Variants in RSU1 observed in about 807,000 individuals in gnomAD.
RSU1 encodes the protein rsu-1.
A neutral mutation model predicts 31.1 loss-of-function variants in RSU1; 26 were observed. That is an observed-to-expected ratio of 0.84 (90% CI 0.61 to 1.16). The LOEUF is 1.16. Among genes scored for constraint, RSU1 ranks in the 50% most tolerant of loss-of-function variants. The pLI, the probability that RSU1 is intolerant of heterozygous loss-of-function variation, is 0.00. For synonymous variants in RSU1, 164 were observed against 136.3 expected, an observed-to-expected ratio of 1.20 and a Z score of -1.41; for missense variants, 320 against 339.1, an observed-to-expected ratio of 0.94 and a Z score of 0.44.
At position 16,666,855 on chromosome 10, in the gene RSU1, G is replaced by A. The variant is rs190917100; in HGVS notation, c.731+28168C>T. On this transcript the variant is annotated intron_variant, in intron 8 of 8. Coordinates refer to ENST00000345264, the MANE Select transcript of RSU1 (RefSeq NM_012425.4). ...AATACAAAAATTATCCAGGCATGGT[G>A]ACGCATGCCTGTAATCCCAGCTACT... Among the ~76,000 whole-genome samples, 373 of 152,212 alleles carry A rather than the reference G, an allele frequency of 2.5e-3. 2 individuals are homozygous for A. The highest frequency in any genetic ancestry group is 8.6e-3 in the African/African-American group (357 of 41,534).
At chr10:16,695,272 G>C in intron 7 of RSU1, 117 bp from the exon 8 acceptor site, 3 of 938,948 alleles carry the variant, frequency 3.2e-6, no homozygotes, top group South Asian at 4.2e-5. Flanking sequence ...GTGCCTCTTG[G>C]ATCATTTGAT....
intron 8 of RSU1, among the ~76,000 whole-genome samples, chr10:16,692,641 A>T (rs192170327): frequency 6.6e-6 from 1 of 152,272 alleles, no homozygotes; most frequent in Admixed American, 6.5e-5. Context: ...ATTTACAAAG[A>T]AGAAGATAAA....
At chr10:16,769,189 ATTCTG>A (rs1340518512) in intron 3 of RSU1, among the ~76,000 whole-genome samples, 1 of 152,228 alleles carries the variant, frequency 6.6e-6, no homozygotes, top group Non-Finnish European at 1.5e-5. Context: ...AGTAAGGAAG[ATTCTG>A]TTCTATGATC....
intron 4 of RSU1, among the ~76,000 whole-genome samples, chr10:16,760,528 AAAAAG>A (rs1837190224): frequency 6.6e-6 from 1 of 151,822 alleles, no homozygotes. Flanking sequence ...AAAAAAAAAA[AAAAAG>A]AAAAGTGTAC....
At chr10:16,751,798 C>G (rs1361021283) in intron 7 of RSU1, among the ~76,000 whole-genome samples, 1 of 152,098 alleles carries the variant, frequency 6.6e-6, no homozygotes, top group Non-Finnish European at 1.5e-5. Context: ...GTTCAAAGGA[C>G]TGAAGAAATG....
chr10:16,591,912 CAG>C lies in RSU1; in HGVS notation c.*1480_*1481del, dbSNP rs1455594652. 2.0e-5 allele frequency: 3 copies of C among 152,182 alleles called. No homozygotes were observed. Among genetic ancestry groups the C allele is most frequent in the Non-Finnish European group, 2.9e-5 (2 of 68,034 alleles). 9.4% of individuals were successfully genotyped at this position (152,182 alleles called of 1,614,324 possible). ...AAATGATATCAACTCTATCCCTAAA[CAG>C]GGGATGGGACCTGGGGAAGCCACTT... is the stretch of plus-strand genomic sequence containing the variant. On this transcript the variant is annotated 3_prime_UTR_variant, in exon 9 of 9. Coordinates refer to ENST00000345264, the MANE Select transcript of RSU1 (RefSeq NM_012425.4).
intron 8 of RSU1, among the ~76,000 whole-genome samples, chr10:16,650,335 G>C (rs1834659154): frequency 6.6e-6 from 1 of 152,100 alleles, no homozygotes. Flanking sequence ...GCATAGTTAA[G>C]CACACTTCCA....
chr10:16,601,535 C>T (rs1833714294), intron 8 of RSU1, among the ~76,000 whole-genome samples: 1 of 152,156 alleles, frequency 6.6e-6, no homozygotes, highest in East Asian at 1.9e-4. Flanking sequence ...GTCACATGGC[C>T]ATTCAAATAT....
At chr10:16,745,358 G>C (rs575644253) in intron 7 of RSU1, among the ~76,000 whole-genome samples, 1 of 152,230 alleles carries the variant, frequency 6.6e-6, no homozygotes, top group Admixed American at 6.5e-5. Flanking sequence ...GTGTAGAAGG[G>C]AGGTAAAATA....
At chr10:16,703,109 C>T (rs1287064406) in intron 7 of RSU1, among the ~76,000 whole-genome samples, 1 of 152,188 alleles carries the variant, frequency 6.6e-6, no homozygotes, top group Non-Finnish European at 1.5e-5. Flanking sequence ...ATCTCACTCC[C>T]CCTTTGCCTT....
At chr10:16,748,818 G>A (rs529722956) in intron 7 of RSU1, among the ~76,000 whole-genome samples, 1 of 149,692 alleles carries the variant, frequency 6.7e-6, no homozygotes, top group Admixed American at 6.6e-5. Flanking sequence ...ATGAGTGAGG[G>A]TTTCTCTGAT....
At chr10:16,650,404 G>A (rs1834660688) in intron 8 of RSU1, among the ~76,000 whole-genome samples, 1 of 152,022 alleles carries the variant, frequency 6.6e-6, no homozygotes, top group East Asian at 1.9e-4. Context: ...TATCAAACCT[G>A]CCACACAGTA....
chr10:16,743,511 T>C (rs1412687140), intron 7 of RSU1, among the ~76,000 whole-genome samples: 2 of 152,252 alleles, frequency 1.3e-5, no homozygotes, highest in East Asian at 1.9e-4. Flanking sequence ...TGTAATTATA[T>C]CTAGCTTAAA....
chr10:16,782,992 C>G (rs565827212), intron 2 of RSU1, among the ~76,000 whole-genome samples: 2 of 151,572 alleles, frequency 1.3e-5, no homozygotes, highest in East Asian at 3.9e-4. Flanking sequence ...CTCACTGTAA[C>G]CTCCGCCTCC....
At chr10:16,775,055 TAAAAA>T in intron 3 of RSU1, among the ~76,000 whole-genome samples, 1 of 151,816 alleles carries the variant, frequency 6.6e-6, no homozygotes, top group African/African-American at 2.4e-5. Flanking sequence ...AATAAAAACA[TAAAAA>T]AAGAGAAGAG....
At chr10:16,770,020 A>G (rs1340251364) in intron 3 of RSU1, among the ~76,000 whole-genome samples, 1 of 152,192 alleles carries the variant, frequency 6.6e-6, no homozygotes, top group Admixed American at 6.5e-5. Context: ...TGGCAAATTC[A>G]TCATGACCAA....
intron 8 of RSU1, among the ~76,000 whole-genome samples, chr10:16,632,064 T>C (rs1361379558): frequency 2.0e-5 from 3 of 152,170 alleles, no homozygotes; most frequent in African/African-American, 7.2e-5. Context: ...AGAAAGCGGG[T>C]GTGGGAATGA....
intron 7 of RSU1, chr10:16,727,294 C>T (rs967369809): frequency 6.2e-6 from 2 of 322,164 alleles, no homozygotes; most frequent in African/African-American, 4.3e-5. Context: ...CACAAATCCT[C>T]CCAAAGCACC....
At chr10:16,736,810 A>T (rs1836637410) in intron 7 of RSU1, among the ~76,000 whole-genome samples, 1 of 152,162 alleles carries the variant, frequency 6.6e-6, no homozygotes, top group South Asian at 2.1e-4. Context: ...ACATGAACAT[A>T]ATAAGGAAAT....
Sources: allele counts gnomAD v4.1 joint callset (sites outside exome capture counted in the v4.1 genomes callset), GRCh38; gene constraint gnomAD v4.1.1; transcripts MANE v1.5; gene names NCBI Gene and HGNC (gene_info 2026-07-23, HGNC 2026-07-21).